RABGAP1L: variants seen among roughly 807,000 people sequenced by gnomAD.
The protein encoded by RABGAP1L is RAB GTPase activating protein 1 like.
In RABGAP1L, 63 loss-of-function variants were observed where a neutral mutation model predicts 137.7. The observed-to-expected ratio is 0.46, with a 90% CI of 0.37 to 0.56. RABGAP1L has a LOEUF of 0.56. Ranked by LOEUF, RABGAP1L falls within the 20% of genes least tolerant of loss-of-function variation. The probability of loss-of-function intolerance (pLI) is 0.00; values close to 1 mark genes in which losing one functional copy is unlikely to be tolerated. For missense variants in RABGAP1L, 1,095 were observed against 1,244.0 expected (o/e 0.88, Z 1.80); for synonymous variants, 431 against 433.7 (o/e 0.99, Z 0.08).
chr1:174,749,716 A>G (rs1684186563), intron 17 of RABGAP1L, among the ~76,000 whole-genome samples: 1 of 152,134 alleles, frequency 6.6e-6, no homozygotes, highest in Non-Finnish European at 1.5e-5. Context: ...TAAATGGCAA[A>G]TGTTTCCTTT....
rs140623583 is a variant in RABGAP1L at position 174,533,357 on chromosome 1, C to T, written c.1711-104018C>T. ...AGTTCATACTTGTCATTTCTGCATA[C>T]GTCTTTATACTACATACAGTTGACT... On this transcript the variant is annotated intron_variant, in intron 13 of 25. Transcript: ENST00000681986. Among the ~76,000 whole-genome samples, 20 of 152,324 alleles carry T rather than the reference C, an allele frequency of 1.3e-4. No individual in the cohort carries two copies. In the East Asian group the frequency reaches 2.9e-3, roughly 22 times the overall value.
intron 13 of RABGAP1L, among the ~76,000 whole-genome samples, chr1:174,612,437 G>A (rs1002618426): frequency 6.6e-6 from 1 of 152,178 alleles, no homozygotes; most frequent in Non-Finnish European, 1.5e-5. Context: ...GCTTTTTGAT[G>A]TGCTGCTGGA....
At chr1:174,676,982 A>C (rs934643747) in intron 14 of RABGAP1L, among the ~76,000 whole-genome samples, 1 of 152,134 alleles carries the variant, frequency 6.6e-6, no homozygotes, top group Admixed American at 6.5e-5. Flanking sequence ...ATAGAACATC[A>C]AGATTTTAAT....
intron 15 of RABGAP1L, among the ~76,000 whole-genome samples, chr1:174,685,909 C>T (rs969373114): frequency 6.6e-6 from 1 of 152,108 alleles, no homozygotes; most frequent in Non-Finnish European, 1.5e-5. Flanking sequence ...ATTCTTGGGA[C>T]ATCTAGGTGG....
rs1672004324 is a variant in RABGAP1L at position 174,990,791 on chromosome 1, G to A, written c.*790G>A. On this transcript the variant is annotated 3_prime_UTR_variant, in exon 26 of 26. Coordinates refer to ENST00000681986, the MANE Select transcript of RABGAP1L (RefSeq NM_001366446.1). ...GACTTCTGGCAATTATAAAGTTAAAGGTGGATATTGCACCTTACAGACTTA... is the reference window on the plus strand; with the variant it reads ...GACTTCTGGCAATTATAAAGTTAAAAGTGGATATTGCACCTTACAGACTTA... 1 of 152,144 alleles carries A rather than the reference G, an allele frequency of 6.6e-6. No homozygotes were observed. The highest frequency in any genetic ancestry group is 1.5e-5 in the Non-Finnish European group (1 of 68,028). The allele number at this position is 152,144 out of a possible 1,614,324, so 9.4% of individuals were successfully genotyped here.
chr1:174,650,007 C>A (rs1413572106), intron 14 of RABGAP1L, among the ~76,000 whole-genome samples: 1 of 152,104 alleles, frequency 6.6e-6, no homozygotes, highest in African/African-American at 2.4e-5. Context: ...AGATACGTCC[C>A]ATCAATACCT....
At chr1:174,329,007 G>A (rs1680789849) in intron 11 of RABGAP1L, among the ~76,000 whole-genome samples, 1 of 141,498 alleles carries the variant, frequency 7.1e-6, no homozygotes, top group African/African-American at 2.8e-5. Flanking sequence ...AAGGATCAGA[G>A]CAAATATAAA....
intron 11 of RABGAP1L, among the ~76,000 whole-genome samples, chr1:174,325,155 C>T (rs1225055950): frequency 6.6e-6 from 1 of 152,198 alleles, no homozygotes; most frequent in African/African-American, 2.4e-5. Context: ...CTTAACCATA[C>T]AGTTTCCTGA....
chr1:174,839,056 T>TGTGTGTGTG (rs1553261082), intron 19 of RABGAP1L, among the ~76,000 whole-genome samples: 3 of 140,948 alleles, frequency 2.1e-5, no homozygotes, highest in Non-Finnish European at 4.6e-5. Flanking sequence ...TGTGTGTGTG[T>TGTGTGTGTG]TGGTAGGGGT....
rs780327494 is a variant in RABGAP1L, at chr1:174,241,581, G to C, written c.641G>C (p.Cys214Ser). 6.2e-7 allele frequency: 1 copy of C among 1,613,862 alleles called. No homozygotes were observed. The highest frequency in any genetic ancestry group is 8.5e-7 in the Non-Finnish European group (1 of 1,179,858). Residue 214 changes from cysteine (C) to serine (S), a missense_variant, in exon 5 of 26, where the codon TGC becomes TCC. Coordinates refer to ENST00000681986, the MANE Select transcript of RABGAP1L (RefSeq NM_001366446.1). ...RGHDGTTESNCFAFTESSHGS... is the reference protein window; with the variant it reads ...RGHDGTTESNSFAFTESSHGS... ...CATGACGGAACAACAGAGAGCAATT[G>C]CTTTGCATTTACAGAGAGTTCCCAT...
intron 13 of RABGAP1L, among the ~76,000 whole-genome samples, chr1:174,438,071 A>G (rs932387621): frequency 3.3e-5 from 5 of 152,314 alleles, no homozygotes; most frequent in South Asian, 2.1e-4. Flanking sequence ...TGAAGGAAGC[A>G]CTAAACATGG....
intron 19 of RABGAP1L, among the ~76,000 whole-genome samples, chr1:174,902,864 G>A (rs80271847): frequency 0.021 from 3,149 of 152,018 alleles, 50 homozygotes; most frequent in Middle Eastern, 0.078. Context: ...TGGATATTTC[G>A]GTGCTGAATT....
At chr1:174,327,992 T>A (rs1024266222) in intron 11 of RABGAP1L, among the ~76,000 whole-genome samples, 11 of 57,592 alleles carry the variant, frequency 1.9e-4, no homozygotes, top group Admixed American at 1.4e-3. Flanking sequence ...CACACATATA[T>A]ATATATATAT....
intron 11 of RABGAP1L, among the ~76,000 whole-genome samples, chr1:174,362,134 T>C (rs186208536): frequency 3.0e-4 from 46 of 152,356 alleles, no homozygotes; most frequent in Middle Eastern, 6.8e-3. Context: ...TATGGCTACA[T>C]ATTATTCCAT....
chr1:174,215,120 A>AG (rs1404799594), intron 1 of RABGAP1L, among the ~76,000 whole-genome samples: 1 of 152,222 alleles, frequency 6.6e-6, no homozygotes, highest in East Asian at 1.9e-4. Context: ...AGAATATATA[A>AG]GGAGCGCAAA....
At chr1:174,880,283 A>C (rs1364832311) in intron 19 of RABGAP1L, among the ~76,000 whole-genome samples, 1 of 152,100 alleles carries the variant, frequency 6.6e-6, no homozygotes, top group Non-Finnish European at 1.5e-5. Flanking sequence ...ATAATCTTTA[A>C]ATTTTATTTT....
intron 13 of RABGAP1L, among the ~76,000 whole-genome samples, chr1:174,490,008 G>C (rs1660065008): frequency 6.6e-6 from 1 of 151,914 alleles, no homozygotes; most frequent in African/African-American, 2.4e-5. Context: ...GAATTTCTTT[G>C]TGTTTTCTCA....
intron 1 of RABGAP1L, among the ~76,000 whole-genome samples, chr1:174,167,940 A>G (rs1194189821): frequency 6.6e-6 from 1 of 152,032 alleles, no homozygotes; most frequent in Non-Finnish European, 1.5e-5. Flanking sequence ...GTTTCTTTGA[A>G]TAGTTTATTT....
chr1:174,585,762 A>G (rs1407082749), intron 13 of RABGAP1L, among the ~76,000 whole-genome samples: 1 of 152,278 alleles, frequency 6.6e-6, no homozygotes, highest in East Asian at 1.9e-4. Context: ...AGTTGTCAAT[A>G]CCTGAGCCTT....
Sources: gnomAD v4.1 joint callset for allele counts (sites outside exome capture counted in the v4.1 genomes callset) on GRCh38, gnomAD v4.1.1 for gene constraint, MANE v1.5 for transcripts, NCBI Gene and HGNC (gene_info 2026-07-23, HGNC 2026-07-21) for gene names.